Variants in SGCZ observed in about 807,000 individuals in gnomAD.
SGCZ encodes sarcoglycan zeta.
Under a neutral mutation model 41.3 loss-of-function variants are expected in SGCZ, and 40 were observed. The ratio of observed to expected loss-of-function variants is 0.97; its 90% CI spans 0.75 to 1.26. The LOEUF is 1.26. Ranked by LOEUF, SGCZ falls within the 50% of genes most tolerant of loss-of-function variation. SGCZ has a pLI of 0.00. For synonymous variants in SGCZ, 206 were observed against 137.5 expected, an observed-to-expected ratio of 1.50 and a Z score of -3.49; for missense variants, 552 against 369.8, an observed-to-expected ratio of 1.49 and a Z score of -4.04.
chr8:14,695,374 A>C, intron 1 of SGCZ, among the ~76,000 whole-genome samples: 1 of 152,314 alleles, frequency 6.6e-6, no homozygotes, highest in Middle Eastern at 3.4e-3. Flanking sequence ...TAAAAGAAGT[A>C]ATATTAAATG....
At chr8:14,207,435 T>C (rs1805653265) in intron 4 of SGCZ, among the ~76,000 whole-genome samples, 1 of 152,182 alleles carries the variant, frequency 6.6e-6, no homozygotes. Context: ...GTAAAATACT[T>C]AGTTCAGAAA....
chr8:14,215,712 T>C (rs1740404916), intron 4 of SGCZ, among the ~76,000 whole-genome samples: 1 of 152,132 alleles, frequency 6.6e-6, no homozygotes, highest in Admixed American at 6.5e-5. Flanking sequence ...TAAATAAGTG[T>C]ATGCTCACAA....
intron 1 of SGCZ, among the ~76,000 whole-genome samples, chr8:14,647,751 G>C (rs1807270172): frequency 6.6e-6 from 1 of 152,022 alleles, no homozygotes; most frequent in African/African-American, 2.4e-5. Context: ...GTTTAAAGCA[G>C]GGTGAGAAAC....
At chr8:14,564,394 T>G (rs1354133352) in intron 1 of SGCZ, among the ~76,000 whole-genome samples, 1 of 152,200 alleles carries the variant, frequency 6.6e-6, no homozygotes, top group Non-Finnish European at 1.5e-5. Context: ...TAGTTTAAAA[T>G]GCAGTCCTAG....
intron 2 of SGCZ, among the ~76,000 whole-genome samples, chr8:14,452,197 G>T (rs937068215): frequency 6.6e-6 from 1 of 152,108 alleles, no homozygotes; most frequent in Non-Finnish European, 1.5e-5. Flanking sequence ...CTAAGTTAAA[G>T]AAGTCAATCT....
At chr8:14,673,411 T>G (rs1339905408) in intron 1 of SGCZ, among the ~76,000 whole-genome samples, 3 of 151,810 alleles carry the variant, frequency 2.0e-5, no homozygotes, top group Non-Finnish European at 2.9e-5. Flanking sequence ...CTGCTCTCTC[T>G]CGCGCTCGCG....
intron 2 of SGCZ, among the ~76,000 whole-genome samples, chr8:14,398,148 G>A (rs1300147128): frequency 6.6e-6 from 1 of 152,130 alleles, no homozygotes; most frequent in Non-Finnish European, 1.5e-5. Flanking sequence ...AAGAGTGGAA[G>A]GGAAGGACAG....
chr8:14,465,807 T>A (rs750623521), intron 2 of SGCZ, among the ~76,000 whole-genome samples: 47 of 151,986 alleles, frequency 3.1e-4, no homozygotes, highest in Non-Finnish European at 4.7e-4. Context: ...TTTCAGTTGT[T>A]GATGACACAG....
chr8:15,033,072 C>A (rs1238176413), intron 1 of SGCZ, among the ~76,000 whole-genome samples: 1 of 152,260 alleles, frequency 6.6e-6, no homozygotes, highest in East Asian at 1.9e-4. Context: ...ACCTACTAGG[C>A]CTATTCCTAT....
chr8:14,720,375 A>G (rs1809842577), intron 1 of SGCZ, among the ~76,000 whole-genome samples: 1 of 152,134 alleles, frequency 6.6e-6, no homozygotes, highest in African/African-American at 2.4e-5. Flanking sequence ...ATAATGATAG[A>G]TATAACAATA....
chr8:15,216,424 G>C (rs1286986182), intron 1 of SGCZ, among the ~76,000 whole-genome samples: 5 of 151,864 alleles, frequency 3.3e-5, no homozygotes, highest in African/African-American at 9.7e-5. Flanking sequence ...GTTTCACCGT[G>C]TTCGCCAGGA....
chr8:15,062,819 T>A (rs1425281803), intron 1 of SGCZ, among the ~76,000 whole-genome samples: 1 of 152,170 alleles, frequency 6.6e-6, no homozygotes, highest in Non-Finnish European at 1.5e-5. Context: ...TCACTACATA[T>A]GATTAATCGA....
chr8:14,738,666 G>T (rs1799116832), intron 1 of SGCZ, among the ~76,000 whole-genome samples: 1 of 152,052 alleles, frequency 6.6e-6, no homozygotes. Flanking sequence ...AATAGACTGA[G>T]AATATTTTAT....
At chr8:14,635,312 A>T (rs936820925) in intron 1 of SGCZ, among the ~76,000 whole-genome samples, 8 of 152,042 alleles carry the variant, frequency 5.3e-5, no homozygotes, top group East Asian at 3.9e-4. Flanking sequence ...TAGCCATGAG[A>T]AATATATCCA....
intron 1 of SGCZ, among the ~76,000 whole-genome samples, chr8:14,611,327 G>C (rs1355306): frequency 0.37 from 41,939 of 112,720 alleles, 5,854 homozygotes; most frequent in Non-Finnish European, 0.39. Context: ...TGAATATGTG[G>C]GTCTATGTGT....
chr8:15,083,391 T>G (rs917492082), intron 1 of SGCZ, among the ~76,000 whole-genome samples: 5 of 152,214 alleles, frequency 3.3e-5, no homozygotes, highest in African/African-American at 1.2e-4. Flanking sequence ...CTTTTTTCAT[T>G]AAACAAAATA....
At chr8:14,827,116 T>C (rs914545541) in intron 1 of SGCZ, among the ~76,000 whole-genome samples, 1 of 151,244 alleles carries the variant, frequency 6.6e-6, no homozygotes, top group African/African-American at 2.4e-5. Context: ...CTTAAGAATA[T>C]ACCAGACCAC....
At chr8:14,375,450 A>G (rs1170734211) in intron 2 of SGCZ, among the ~76,000 whole-genome samples, 1 of 152,234 alleles carries the variant, frequency 6.6e-6, no homozygotes. Context: ...CTAACTACCT[A>G]TTTATCTATT....
chr8:14,870,114 T>C (rs370344254), intron 1 of SGCZ, among the ~76,000 whole-genome samples: 24 of 152,280 alleles, frequency 1.6e-4, no homozygotes, highest in African/African-American at 5.5e-4. Flanking sequence ...AGAGCCAGTA[T>C]AGCCAAAACA....
Sources: allele counts gnomAD v4.1 joint callset (sites outside exome capture counted in the v4.1 genomes callset), GRCh38; gene constraint gnomAD v4.1.1; transcripts MANE v1.5; gene names NCBI Gene and HGNC (gene_info 2026-07-23, HGNC 2026-07-21).